Variants in ITIH1 observed in about 807,000 individuals in gnomAD.
ITIH1 encodes the protein inter-alpha-trypsin inhibitor heavy chain 1.
ITIH1 carries 94 observed loss-of-function variants against 104.6 expected under a neutral mutation model. The observed-to-expected ratio is 0.90, with a 90% CI of 0.76 to 1.07. The LOEUF (loss-of-function observed/expected upper bound fraction) is 1.07, where lower values mean the gene tolerates loss of function less well. Ranked by LOEUF, ITIH1 falls within the 50% of genes least tolerant of loss-of-function variation. The pLI is 0.00. For synonymous variants in ITIH1, 455 were observed against 464.4 expected (o/e 0.98, Z 0.26); for missense variants, 1,193 against 1,181.4 (o/e 1.01, Z -0.14).
chr3:52,781,444 G>GA, intron 6 of ITIH1, among the ~76,000 whole-genome samples: 1 of 151,298 alleles, frequency 6.6e-6, no homozygotes, highest in East Asian at 1.9e-4. Flanking sequence ...TTTCTTTATA[G>GA]AAAAATATAT....
chr3:52,779,807 A>G lies in ITIH1; in HGVS notation c.573+213A>G. Reference sequence around the variant, plus strand: ...TTTATCTCTGAGCTTCGGTTTGCTCATCTGCTAGACGGGGGGTTTCTGTGA... The same window carrying G: ...TTTATCTCTGAGCTTCGGTTTGCTCGTCTGCTAGACGGGGGGTTTCTGTGA... On this transcript the variant is annotated intron_variant, in intron 5 of 21. Coordinates refer to ENST00000273283, the MANE Select transcript of ITIH1 (RefSeq NM_002215.4). This position sits in a 1 kb window ranked among gnomAD's most constrained non-coding sequence, Gnocchi z 4.4. 8.9e-7 allele frequency: 1 copy of G among 1,129,232 alleles called. No individual in the cohort carries two copies. Among genetic ancestry groups the G allele is most frequent in the South Asian group, 1.6e-5 (1 of 61,500 alleles). The allele number at this position is 1,129,232 out of a possible 1,614,324, so 70.0% of individuals were successfully genotyped here. A position where few individuals can be genotyped will look rare whatever the true frequency, so the allele number is the denominator to read the frequency against.
intron 3 of ITIH1, 51 bp downstream of exon 3, chr3:52,778,557 G>T: frequency 6.2e-7 from 1 of 1,607,262 alleles, no homozygotes. Context: ...CCGCTTACTA[G>T]TCCCAGCTTA....
Position 52,785,198 on chromosome 3 carries a change from G to A in ITIH1, c.1562G>A (p.Ser521Asn). The A allele has an allele frequency of 6.2e-7, 1 of 1,614,126 alleles. No individual in the cohort carries two copies. The change falls in exon 12 of 22, where the codon AGC (serine) becomes AAC (asparagine). Residue 521 changes from serine (S) to asparagine (N), a missense_variant. By Grantham distance (46) the Ser-to-Asn change is conservative (BLOSUM62 1). Coordinates refer to ENST00000273283, the MANE Select transcript of ITIH1 (RefSeq NM_002215.4). ...VAGRIADNKQ[S>N]SFKADVQAHG... is the part of the protein sequence containing the mutation. ...GGGCGCATTGCTGACAACAAACAGA[G>A]CAGCTTCAAGGCTGATGTGCAGGCC...
At chr3:52,786,250 G>T in intron 12 of ITIH1, 45 bp from the exon 13 acceptor site, 2 of 1,547,932 alleles carry the variant, frequency 1.3e-6, no homozygotes, top group Non-Finnish European at 1.8e-6. Context: ...GCCAGGGGCC[G>T]TGCTTATCAT....
Position 52,781,205 on chromosome 3 carries a change from T to TC in ITIH1, c.688-735_688-734insC, listed in dbSNP as rs1559461176. Among the ~76,000 whole-genome samples, 85 of 72,296 alleles carry TC rather than the reference T, an allele frequency of 1.2e-3. 1 individual carries two copies. The highest frequency in any genetic ancestry group is 2.9e-3 in the African/African-American group (43 of 14,940). The allele number at this position is 72,296 out of a possible 152,430, so 47.4% of individuals were successfully genotyped here. Reference sequence around the variant, plus strand: ...CTTCACCTCCTCCTCTTCTTTTTTTTTTTTTCTTCTTCTTCTTCTTCTTCT... The same window carrying TC: ...CTTCACCTCCTCCTCTTCTTTTTTTTCTTTTTCTTCTTCTTCTTCTTCTTCT... On this transcript the variant is annotated intron_variant, in intron 6 of 21. Coordinates refer to ENST00000273283, the MANE Select transcript of ITIH1 (RefSeq NM_002215.4).
In ITIH1 at chr3:52,779,327, A is replaced by T; in HGVS notation, c.411-105A>T. ...AGGTCCAGGGAAACCTGGGAGCAAC[A>T]CTCATCTAAGAGAAATAAATTCTGT... On this transcript the variant is annotated intron_variant, in intron 4 of 21. Coordinates refer to ENST00000273283, the MANE Select transcript of ITIH1 (RefSeq NM_002215.4). This position sits in a 1 kb window ranked among gnomAD's most constrained non-coding sequence, Gnocchi z 4.4. 4 of 1,257,100 alleles carry T rather than the reference A, an allele frequency of 3.2e-6. No individual in the cohort carries two copies. In the South Asian group the frequency reaches 5.1e-5, roughly 16 times the overall value. 77.9% of individuals were successfully genotyped at this position (1,257,100 alleles called of 1,614,324 possible).
chr3:52,787,173 T>C lies in ITIH1; in HGVS notation c.1889-15T>C. 3 of 1,614,124 alleles carry C rather than the reference T, an allele frequency of 1.9e-6. No individual in the cohort carries two copies. Among genetic ancestry groups the C allele is most frequent in the Non-Finnish European group, 2.5e-6 (3 of 1,180,012 alleles). ...CTCTGGGGCTCTAATTATTTTCTCT[T>C]TCTCTCCCTTCCAGATTCTCCGCCT... On this transcript the variant is annotated splice_polypyrimidine_tract_variant and intron_variant, in intron 14 of 21. Transcript: ENST00000273283.
At chr3:52,780,181 C>T in intron 5 of ITIH1, 88 bp from the exon 6 acceptor site, 2 of 1,137,128 alleles carry the variant, frequency 1.8e-6, no homozygotes, top group Non-Finnish European at 2.5e-6. Context: ...AGGAGGACGG[C>T]TTGAGCCCAG....
At position 52,783,066 on chromosome 3, in the gene ITIH1, C is replaced by T; in HGVS notation, c.1040C>T (p.Ala347Val). ...TCGTGGAAGGGCTCGCTGGTGCAAG[C>T]ATCTGAGGCCAACCTACAAGCAGCT... ...VQSWKGSLVQ[A>V]SEANLQAAQD... The change falls in exon 9 of 22, where the codon GCA becomes GTA. Residue 347 changes from alanine (A) to valine (V), a missense_variant. Physicochemically the swap from Ala to Val is moderately conservative, Grantham distance 64. Coordinates refer to ENST00000273283, the MANE Select transcript of ITIH1 (RefSeq NM_002215.4). The T allele has an allele frequency of 6.2e-7, 1 of 1,614,090 alleles. No individual in the cohort carries two copies. Among genetic ancestry groups the T allele is most frequent in the Non-Finnish European group, 8.5e-7 (1 of 1,180,014 alleles).
At position 52,779,445 on chromosome 3, in the gene ITIH1, A is replaced by G; in HGVS notation, c.424A>G (p.Thr142Ala). The stretch of plus-strand genomic sequence containing the variant: ...TGGCACATCCAGGGCCTCGGGGAGA[A>G]CTATGGAGCAATTCACCATCCACCT... ...NAGLVRASGR[T>A]MEQFTIHLTV... Residue 142 changes from threonine (T) to alanine (A), a missense_variant, in exon 5 of 22, where the codon ACT becomes GCT. By Grantham distance (58) the Thr-to-Ala change is moderately conservative. Transcript: ENST00000273283. This position sits in a 1 kb window ranked among gnomAD's most constrained non-coding sequence, Gnocchi z 4.4. The G allele has an allele frequency of 6.2e-7, 1 of 1,614,246 alleles. No homozygotes were observed. The highest frequency in any genetic ancestry group is 8.5e-7 in the Non-Finnish European group (1 of 1,180,042).
At chr3:52,791,425 C>G (rs1292231253) in intron 20 of ITIH1, 92 bp from the exon 21 acceptor site, 2 of 1,004,322 alleles carry the variant, frequency 2.0e-6, no homozygotes, top group Non-Finnish European at 3.0e-6. Context: ...AGCGGTCCAG[C>G]AATGCTCTAA....
At position 52,787,549 on chromosome 3, in the gene ITIH1, G is replaced by A. The variant is rs537010722; in HGVS notation, c.1904-43G>A. 19 of 1,613,402 alleles carry A rather than the reference G, an allele frequency of 1.2e-5. No homozygotes were observed. In the Admixed American group the frequency reaches 1.8e-4, roughly 16 times the overall value. On this transcript the variant is annotated intron_variant, in intron 15 of 21. Transcript: ENST00000273283. ...CTGCATGCCTTTCGTGTGGGGCACCGTGGGTGACACTGTCTTCGATAATAT... is the reference window on the plus strand; with the variant it reads ...CTGCATGCCTTTCGTGTGGGGCACCATGGGTGACACTGTCTTCGATAATAT...
intron 12 of ITIH1, among the ~76,000 whole-genome samples, chr3:52,785,461 G>C (rs970011969): frequency 3.9e-5 from 6 of 152,144 alleles, no homozygotes; most frequent in Non-Finnish European, 8.8e-5. Flanking sequence ...GCAGTCCCTC[G>C]GCCCCCAGTG....
rs1294827279 is a variant in ITIH1, at chr3:52,786,395, T to C, written c.1694T>C (p.Leu565Pro). The C allele has an allele frequency of 5.0e-6, 8 of 1,586,338 alleles. No individual in the cohort carries two copies. The highest frequency in any genetic ancestry group is 1.8e-5 in the Admixed American group (1 of 56,512). ...ATGCTGGAGAACCACGTCGAGCGCC[T>C]CTGGGCCTACCTCACCATCCAGGAG... is the stretch of plus-strand genomic sequence containing the variant. ...GHMLENHVER[L>P]WAYLTIQELL... The change falls in exon 13 of 22, where the codon CTC becomes CCC. Residue 565 changes from leucine (L) to proline (P), a missense_variant. By Grantham distance (98) the Leu-to-Pro change is moderately conservative. Transcript: ENST00000273283.
intron 21 of ITIH1, 75 bp downstream of exon 21, chr3:52,791,703 C>T (rs1207139799): frequency 6.8e-6 from 11 of 1,607,352 alleles, no homozygotes; most frequent in Non-Finnish European, 7.7e-6. Context: ...CCAGGTGTCA[C>T]ATGGGTGGGG....
At position 52,779,479 on chromosome 3, in the gene ITIH1, A is replaced by G. The variant is rs753068973; in HGVS notation, c.458A>G (p.Asn153Ser). Residue 153 changes from asparagine (N) to serine (S), a missense_variant, in exon 5 of 22, where the codon AAT (asparagine) becomes AGT (serine). Physicochemically the swap from Asn to Ser is conservative, Grantham distance 46. Coordinates refer to ENST00000273283, the MANE Select transcript of ITIH1 (RefSeq NM_002215.4). The surrounding 1 kb of genome is among the most constrained non-coding windows in gnomAD (Gnocchi z 4.4). ...CAATTCACCATCCACCTCACCGTCAATCCCCAGAGCAAGGTCACGTTTCAG... is the reference window on the plus strand; with the variant it reads ...CAATTCACCATCCACCTCACCGTCAGTCCCCAGAGCAAGGTCACGTTTCAG... ...MEQFTIHLTV[N>S]PQSKVTFQLT... 1 of 1,614,232 alleles carries G rather than the reference A, an allele frequency of 6.2e-7. No individual in the cohort carries two copies.
chr3:52,787,362 G>C (rs537252050), intron 15 of ITIH1, among the ~76,000 whole-genome samples, 160 bp downstream of exon 15: 1 of 151,988 alleles, frequency 6.6e-6, no homozygotes, highest in Non-Finnish European at 1.5e-5. Context: ...ACATCACCGC[G>C]AACTCCCTGC....
At chr3:52,785,002 C>G (rs1457221650) in intron 11 of ITIH1, 42 bp from the exon 12 acceptor site, 4 of 1,594,800 alleles carry the variant, frequency 2.5e-6, no homozygotes, top group Non-Finnish European at 3.4e-6. Flanking sequence ...CATTAGGAGC[C>G]CAGGGTGCTC....
Position 52,787,754 on chromosome 3 carries a change from C to A in ITIH1, c.1924+142C>A, listed in dbSNP as rs966492047. 12 of 1,044,554 alleles carry A rather than the reference C, an allele frequency of 1.1e-5. No individual in the cohort carries two copies. The African/African-American group carries it at 1.6e-4, about 14-fold the overall frequency. The allele number at this position is 1,044,554 out of a possible 1,614,324, so 64.7% of individuals were successfully genotyped here. A position where few individuals can be genotyped will look rare whatever the true frequency, so the allele number is the denominator to read the frequency against. ...AGACCTCTGAACAGCCTGGCCTCCCCAGCCTGAGGTCCCTGGGGGAGGAGA... is the reference window on the plus strand; with the variant it reads ...AGACCTCTGAACAGCCTGGCCTCCCAAGCCTGAGGTCCCTGGGGGAGGAGA... On this transcript the variant is annotated intron_variant, in intron 16 of 21. Transcript: ENST00000273283.
Sources: gnomAD v4.1 joint callset for allele counts (sites outside exome capture counted in the v4.1 genomes callset) on GRCh38, gnomAD v4.1.1 for gene constraint, Gnocchi (gnomAD v3.1) non-coding constraint, MANE v1.5 for transcripts, NCBI Gene and HGNC (gene_info 2026-07-23, HGNC 2026-07-21) for gene names.